The following ZNF480 variants were observed in gnomAD, a reference collection of about 807,000 sequenced individuals.
The protein encoded by ZNF480 is zinc finger protein 480.
Under a neutral mutation model 14.4 loss-of-function variants are expected in ZNF480, and 15 were observed. The observed-to-expected ratio is 1.04, with a 90% CI of 0.70 to 1.60. ZNF480 has a LOEUF of 1.60. Ranked by LOEUF, ZNF480 falls within the 40% of genes most tolerant of loss-of-function variation. The pLI, the probability that ZNF480 is intolerant of heterozygous loss-of-function variation, is 0.00. For missense variants in ZNF480, 593 were observed against 629.7 expected, an observed-to-expected ratio of 0.94 and a Z score of 0.62; for synonymous variants, 218 against 215.5, an observed-to-expected ratio of 1.01 and a Z score of -0.10.
intron 2 of ZNF480, among the ~76,000 whole-genome samples, chr19:52,312,342 A>G (rs968657997): frequency 2.6e-5 from 4 of 151,914 alleles, no homozygotes; most frequent in Admixed American, 6.6e-5. Flanking sequence ...TGTATTTTTT[A>G]GTAGAGACTG....
At chr19:52,299,388 A>G (rs949511420) in intron 1 of ZNF480, among the ~76,000 whole-genome samples, 1 of 152,188 alleles carries the variant, frequency 6.6e-6, no homozygotes, top group Non-Finnish European at 1.5e-5. Flanking sequence ...ACTTGAAGTT[A>G]GCATCAGATC....
At chr19:52,314,473 C>CA (rs34349660) in intron 3 of ZNF480, among the ~76,000 whole-genome samples, 194 bp downstream of exon 3, 12,020 of 66,574 alleles carry the variant, frequency 0.18, 371 homozygotes, top group African/African-American at 0.25. Flanking sequence ...AACTCCGTCC[C>CA]AAAAAAAAAA....
chr19:52,305,813 G>A (rs138986069), intron 2 of ZNF480, among the ~76,000 whole-genome samples: 362 of 152,276 alleles, frequency 2.4e-3, no homozygotes, highest in African/African-American at 8.6e-3. Flanking sequence ...GGCCTGGGAC[G>A]GGCCCCTCAT....
chr19:52,323,708 A>G lies in ZNF480; in HGVS notation c.*850A>G, dbSNP rs1264957611. On this transcript the variant is annotated 3_prime_UTR_variant, in exon 5 of 5. Transcript: ENST00000595962. The stretch of plus-strand genomic sequence containing the variant: ...AACTAAAAACAAAAACCACATGACC[A>G]TGATCATCTCTTTAGATGCAGAAAG... The G allele has an allele frequency of 2.0e-5, 3 of 152,200 alleles. No homozygotes were observed. The highest frequency in any genetic ancestry group is 6.5e-5 in the Admixed American group (1 of 15,268). 9.4% of individuals were successfully genotyped at this position (152,200 alleles called of 1,614,324 possible).
chr19:52,321,592 A>C lies in ZNF480; in HGVS notation c.342A>C (p.Ala114=), dbSNP rs1248932546. ...IKGVNTGSSY[A]LGSNAEDKPI... ...TTGCTTTCCTAGGGAGCAGCTATGC[A>C]TTGGGAAGCAATGCAGAAGACAAAC... Residue 114 remains alanine, a synonymous_variant, in exon 5 of 5, where the codon GCA becomes GCC. Transcript: ENST00000595962. 6.3e-7 allele frequency: 1 copy of C among 1,593,476 alleles called. No homozygotes were observed. Among genetic ancestry groups the C allele is most frequent in the South Asian group, 1.1e-5 (1 of 88,054 alleles).
chr19:52,306,480 G>C (rs1267659296), intron 2 of ZNF480, among the ~76,000 whole-genome samples: 6 of 152,140 alleles, frequency 3.9e-5, no homozygotes, highest in Non-Finnish European at 8.8e-5. Context: ...TTGAGGTTGG[G>C]CCTGGGCGTT....
In ZNF480 at chr19:52,322,600, T is replaced by C; in HGVS notation, c.1350T>C (p.Thr450=). 3 of 1,614,110 alleles carry C rather than the reference T, an allele frequency of 1.9e-6. No homozygotes were observed. The highest frequency in any genetic ancestry group is 2.5e-6 in the Non-Finnish European group (3 of 1,180,004). ...TTTCAGCCCATCTTGTAATCCACAC[T>C]GGAGAGAAGCCTTACAAATGTAGTG... ...SGLSAHLVIH[T]GEKPYKCSEC... The change falls in exon 5 of 5, where the codon ACT becomes ACC. Residue 450 remains threonine, a synonymous_variant. Coordinates refer to ENST00000595962, the MANE Select transcript of ZNF480 (RefSeq NM_144684.4).
chr19:52,315,781 G>A (rs1378124384), intron 3 of ZNF480, 53 bp from the exon 4 acceptor site: 2 of 1,563,430 alleles, frequency 1.3e-6, no homozygotes, highest in East Asian at 2.2e-5. Context: ...TACACATAGG[G>A]CTTGGATTTT....
rs34349660 is a variant in ZNF480, at chr19:52,314,473, CAAA to C, written c.199+217_199+219del. On this transcript the variant is annotated intron_variant, in intron 3 of 4. Coordinates refer to ENST00000595962, the MANE Select transcript of ZNF480 (RefSeq NM_144684.4). ...CTGCCAACAGAGTGAAACTCCGTCC[CAAA>C]AAAAAAAAAAAAAAAAAAAAAACCA... 3.0e-3 allele frequency among the ~76,000 whole-genome samples: 200 copies of C among 66,216 alleles called. 2 individuals carry two copies. The East Asian group carries it at 0.035, about 12-fold the overall frequency. The allele number at this position is 66,216 out of a possible 152,430, so 43.4% of individuals were successfully genotyped here.
chr19:52,305,859 A>G (rs1370350455), intron 2 of ZNF480, among the ~76,000 whole-genome samples: 2 of 152,164 alleles, frequency 1.3e-5, no homozygotes, highest in Admixed American at 1.3e-4. Context: ...TCTTCATCAA[A>G]CTTAGAGTGA....
In ZNF480 at chr19:52,325,199, A is replaced by G. The variant is rs1006766569; in HGVS notation, c.*2341A>G. ...CTAATCATTAAGGAAATGCAATCAA[A>G]GCCACAATGAGATACCATCTCAGAC... On this transcript the variant is annotated 3_prime_UTR_variant, in exon 5 of 5. Transcript: ENST00000595962. 1 of 152,250 alleles carries G rather than the reference A, an allele frequency of 6.6e-6. No homozygotes were observed. Among genetic ancestry groups the G allele is most frequent in the Non-Finnish European group, 1.5e-5 (1 of 68,048 alleles). The allele number at this position is 152,250 out of a possible 1,614,324, so 9.4% of individuals were successfully genotyped here.
At chr19:52,299,963 G>T (rs1982605833) in intron 1 of ZNF480, among the ~76,000 whole-genome samples, 1 of 152,210 alleles carries the variant, frequency 6.6e-6, no homozygotes. Flanking sequence ...GGGGGTCTTG[G>T]GACATCTTCC....
intron 2 of ZNF480, among the ~76,000 whole-genome samples, chr19:52,313,244 C>T (rs954465292): frequency 2.0e-5 from 3 of 149,556 alleles, no homozygotes; most frequent in African/African-American, 7.4e-5. Context: ...TCAAGTGATT[C>T]TTCTGCCTCA....
intron 4 of ZNF480, among the ~76,000 whole-genome samples, chr19:52,319,833 T>C (rs971279787): frequency 2.0e-5 from 3 of 151,002 alleles, no homozygotes; most frequent in Non-Finnish European, 4.4e-5. Flanking sequence ...TTTTTTTTTT[T>C]TTAAATTAGA....
chr19:52,303,149 C>T (rs1223402913), intron 2 of ZNF480, among the ~76,000 whole-genome samples: 5 of 152,142 alleles, frequency 3.3e-5, no homozygotes, highest in Non-Finnish European at 7.3e-5. Flanking sequence ...CTACAAGCTC[C>T]GATTTTTGAG....
In ZNF480 at chr19:52,324,770, CA is replaced by C. The variant is rs1984013394; in HGVS notation, c.*1917del. 1.3e-5 allele frequency: 2 copies of C among 152,070 alleles called. No individual in the cohort carries two copies. Among genetic ancestry groups the C allele is most frequent in the Admixed American group, 1.3e-4 (2 of 15,260 alleles). 9.4% of individuals were successfully genotyped at this position (152,070 alleles called of 1,614,324 possible). ...CTGGACCCCTATCCTTCACGATATA[CA>C]AAAATCAACTCAAGATGGATTAAAG... is the stretch of plus-strand genomic sequence containing the variant. On this transcript the variant is annotated 3_prime_UTR_variant, in exon 5 of 5. Transcript: ENST00000595962.
In ZNF480 at chr19:52,308,376, G is replaced by A. The variant is rs1017262549; in HGVS notation, c.73-5777G>A. Among the ~76,000 whole-genome samples the A allele has an allele frequency of 7.6e-5, 11 of 145,674 alleles. No individual in the cohort carries two copies. The South Asian group carries it at 8.6e-4, about 11-fold the overall frequency. On this transcript the variant is annotated intron_variant, in intron 2 of 4. Coordinates refer to ENST00000595962, the MANE Select transcript of ZNF480 (RefSeq NM_144684.4). ...GGCCAGAGTACAGTAGCGCAATCTCGGCTCACTACAACTTCTGTCTCCCTG... is the reference window on the plus strand; with the variant it reads ...GGCCAGAGTACAGTAGCGCAATCTCAGCTCACTACAACTTCTGTCTCCCTG...
At chr19:52,305,695 G>A (rs1285668225) in intron 2 of ZNF480, among the ~76,000 whole-genome samples, 2 of 152,158 alleles carry the variant, frequency 1.3e-5, no homozygotes, top group Non-Finnish European at 2.9e-5. Flanking sequence ...CAGGCAGAAA[G>A]CTCACAGGTT....
chr19:52,308,652 G>C (rs1361757797), intron 2 of ZNF480: 1 of 152,046 alleles, frequency 6.6e-6, no homozygotes, highest in Non-Finnish European at 1.5e-5. Context: ...GCCTTTCCCA[G>C]TTTTTTATGT....
Sources: gnomAD v4.1 joint callset for allele counts (sites outside exome capture counted in the v4.1 genomes callset) on GRCh38, gnomAD v4.1.1 for gene constraint, MANE v1.5 for transcripts, NCBI Gene and HGNC (gene_info 2026-07-23, HGNC 2026-07-21) for gene names.